COL22A1: variants seen among roughly 807,000 people sequenced by gnomAD.
COL22A1 encodes collagen type XXII alpha 1 chain.
COL22A1 carries 221 observed loss-of-function variants against 248.9 expected under a neutral mutation model. The observed-to-expected ratio is 0.89, with a 90% CI of 0.80 to 0.99. COL22A1 has a LOEUF of 0.99. Among genes scored for constraint, COL22A1 ranks in the 50% least tolerant of loss-of-function variants. The pLI, the probability that COL22A1 is intolerant of heterozygous loss-of-function variation, is 0.00. For missense variants in COL22A1, 2,240 were observed against 2,179.0 expected, an observed-to-expected ratio of 1.03 and a Z score of -0.56; for synonymous variants, 891 against 793.4, an observed-to-expected ratio of 1.12 and a Z score of -2.07.
At chr8:138,672,641 A>T (rs1309597225) in intron 41 of COL22A1, among the ~76,000 whole-genome samples, 1 of 152,218 alleles carries the variant, frequency 6.6e-6, no homozygotes, top group African/African-American at 2.4e-5. Flanking sequence ...AGGCTCAAAA[A>T]GGGACGTCAT....
chr8:138,715,840 T>C lies in COL22A1; in HGVS notation c.2464-105A>G, dbSNP rs1211706119. 4 of 806,270 alleles carry C rather than the reference T, an allele frequency of 5.0e-6. No individual in the cohort carries two copies. In the East Asian group the frequency reaches 7.4e-5, roughly 15 times the overall value. The allele number at this position is 806,270 out of a possible 1,614,324, so 49.9% of individuals were successfully genotyped here. ...GACTTTGGAAAAACATACATGTATA[T>C]ATTTCTCTCTCTCACTTGTCCTTGC... is the stretch of plus-strand genomic sequence containing the variant. On this transcript the variant is annotated intron_variant, in intron 29 of 64. Transcript: ENST00000303045.
intron 23 of COL22A1, among the ~76,000 whole-genome samples, 186 bp downstream of exon 23, chr8:138,737,338 T>C (rs929933441): frequency 1.3e-5 from 2 of 152,094 alleles, no homozygotes; most frequent in Non-Finnish European, 2.9e-5. Flanking sequence ...CAATGGCCAT[T>C]CAGCTCCCAC....
At chr8:138,616,203 T>C (rs569745948) in intron 54 of COL22A1, 149 bp from the exon 55 acceptor site, 2 of 692,466 alleles carry the variant, frequency 2.9e-6, no homozygotes, top group East Asian at 5.2e-5. Context: ...TGAGTTGAGG[T>C]CTGTGGCGGC....
chr8:138,720,300 G>A (rs969301416), intron 27 of COL22A1, among the ~76,000 whole-genome samples: 33 of 152,122 alleles, frequency 2.2e-4, no homozygotes, highest in Admixed American at 1.2e-3. Context: ...AGGAAGCATC[G>A]CAGTGAAGGT....
At chr8:138,815,100 A>G (rs1171409865) in intron 7 of COL22A1, among the ~76,000 whole-genome samples, 2 of 152,258 alleles carry the variant, frequency 1.3e-5, no homozygotes, top group Admixed American at 1.3e-4. Flanking sequence ...GTAAGATGTG[A>G]CTTTGCTCCT....
intron 60 of COL22A1, among the ~76,000 whole-genome samples, chr8:138,601,227 C>G (rs893703892): frequency 6.6e-6 from 1 of 151,928 alleles, no homozygotes; most frequent in South Asian, 2.1e-4. Flanking sequence ...CTGGCTCCAT[C>G]GCTCAGGAAC....
At chr8:138,617,148 T>G (rs1819403769) in intron 53 of COL22A1, among the ~76,000 whole-genome samples, 190 bp from the exon 54 acceptor site, 2 of 152,172 alleles carry the variant, frequency 1.3e-5, no homozygotes, top group Middle Eastern at 3.2e-3. Context: ...AGAGCCCTTC[T>G]TCCCAGCCCC....
chr8:138,778,218 T>A lies in COL22A1; in HGVS notation c.1758+135A>T, dbSNP rs778119273. Reference sequence around the variant, plus strand: ...ATAATTTCTGGTCTAAGAAAGGAGATACCAACACTTCATTGGCATCAGTAA... The same window carrying A: ...ATAATTTCTGGTCTAAGAAAGGAGAAACCAACACTTCATTGGCATCAGTAA... On this transcript the variant is annotated intron_variant, in intron 15 of 64. Transcript: ENST00000303045. 10 of 897,138 alleles carry A rather than the reference T, an allele frequency of 1.1e-5. No homozygotes were observed. The East Asian group carries it at 2.6e-4, about 23-fold the overall frequency. 55.6% of individuals were successfully genotyped at this position (897,138 alleles called of 1,614,324 possible). A position where few individuals can be genotyped will look rare whatever the true frequency, so the allele number is the denominator to read the frequency against.
At chr8:138,836,362 T>C (rs1262494673) in intron 4 of COL22A1, among the ~76,000 whole-genome samples, 1 of 152,204 alleles carries the variant, frequency 6.6e-6, no homozygotes, top group Non-Finnish European at 1.5e-5. Flanking sequence ...GACAGGACAA[T>C]GGCCCTGCAC....
Position 138,755,524 on chromosome 8 carries a change from G to A in COL22A1, c.1948-13C>T, listed in dbSNP as rs1170026583. The stretch of plus-strand genomic sequence containing the variant: ...CCTCTTGCTGCACCTGAGAGACAAA[G>A]CAAGCATTAGCAAAGGTGCTGGCAT... On this transcript the variant is annotated splice_polypyrimidine_tract_variant and intron_variant, in intron 19 of 64. Transcript: ENST00000303045. 3 of 1,613,958 alleles carry A rather than the reference G, an allele frequency of 1.9e-6. No homozygotes were observed. Among genetic ancestry groups the A allele is most frequent in the South Asian group, 1.1e-5 (1 of 91,076 alleles).
chr8:138,862,682 C>T (rs1822573631), intron 3 of COL22A1, among the ~76,000 whole-genome samples: 1 of 151,908 alleles, frequency 6.6e-6, no homozygotes, highest in African/African-American at 2.4e-5. Context: ...AATGCAGATA[C>T]TGTTTCCAGT....
intron 16 of COL22A1, among the ~76,000 whole-genome samples, chr8:138,762,836 T>C (rs530595432): frequency 2.6e-5 from 4 of 152,348 alleles, no homozygotes; most frequent in South Asian, 2.1e-4. Flanking sequence ...GTGTATTTTA[T>C]GCATCATTCA....
At chr8:138,699,150 C>T (rs766798074) in intron 32 of COL22A1, among the ~76,000 whole-genome samples, 1 of 152,102 alleles carries the variant, frequency 6.6e-6, no homozygotes, top group Non-Finnish European at 1.5e-5. Flanking sequence ...TGCTCTTTCC[C>T]GCAGACGCCT....
chr8:138,633,365 C>T (rs1045657803), intron 49 of COL22A1, among the ~76,000 whole-genome samples: 2 of 152,176 alleles, frequency 1.3e-5, no homozygotes, highest in African/African-American at 4.8e-5. Flanking sequence ...AATACATCAT[C>T]TAGCATGAGA....
chr8:138,701,708 G>T (rs939536041), intron 31 of COL22A1, among the ~76,000 whole-genome samples: 3 of 152,224 alleles, frequency 2.0e-5, no homozygotes, highest in Non-Finnish European at 4.4e-5. Flanking sequence ...TTATGGATAA[G>T]AAAATTGGAG....
intron 22 of COL22A1, among the ~76,000 whole-genome samples, chr8:138,740,646 G>A (rs1308912639): frequency 7.2e-5 from 11 of 152,124 alleles, no homozygotes; most frequent in Admixed American, 4.6e-4. Flanking sequence ...GGAGGCGCGT[G>A]GTAGACAAGA....
chr8:138,752,713 C>T (rs567242919), intron 21 of COL22A1, among the ~76,000 whole-genome samples: 1 of 152,316 alleles, frequency 6.6e-6, no homozygotes, highest in East Asian at 1.9e-4. Context: ...GAATGCTGAA[C>T]ACTGTTTCCA....
At chr8:138,632,628 C>T (rs889492387) in intron 49 of COL22A1, among the ~76,000 whole-genome samples, 1 of 152,124 alleles carries the variant, frequency 6.6e-6, no homozygotes, top group Admixed American at 6.5e-5. Context: ...GTAAAAATGA[C>T]TACATCATGG....
In COL22A1 at chr8:138,842,313, C is replaced by G. The variant is rs148603623; in HGVS notation, c.733+1771G>C. ...AATGCTCAGGAGGCATTCATTATTACTATGATTTTATTAACCACACTATTG... is the reference window on the plus strand; with the variant it reads ...AATGCTCAGGAGGCATTCATTATTAGTATGATTTTATTAACCACACTATTG... On this transcript the variant is annotated intron_variant, in intron 4 of 64. Coordinates refer to ENST00000303045, the MANE Select transcript of COL22A1 (RefSeq NM_152888.3). 1.6e-3 allele frequency among the ~76,000 whole-genome samples: 249 copies of G among 152,296 alleles called. 1 individual carries two copies. Among genetic ancestry groups the G allele is most frequent in the African/African-American group, 5.9e-3 (244 of 41,550 alleles).
Sources: allele counts gnomAD v4.1 joint callset (sites outside exome capture counted in the v4.1 genomes callset), GRCh38; gene constraint gnomAD v4.1.1; transcripts MANE v1.5; gene names NCBI Gene and HGNC (gene_info 2026-07-23, HGNC 2026-07-21).